Variants in UTRN observed in about 807,000 individuals in gnomAD.
UTRN encodes utrophin.
A neutral mutation model predicts 463.9 loss-of-function variants in UTRN; 283 were observed. The ratio of observed to expected loss-of-function variants is 0.61; its 90% CI spans 0.55 to 0.67. UTRN has a LOEUF of 0.67. UTRN is among the 30% of genes least tolerant of loss of function. The pLI is 0.00. For synonymous variants in UTRN, 1,442 were observed against 1,431.5 expected (o/e 1.01, Z -0.17); for missense variants, 3,922 against 4,084.3 (o/e 0.96, Z 1.08).
In UTRN at chr6:144,726,310, C is replaced by T. The variant is rs145141424; in HGVS notation, c.7810-4047C>T. ...TTCAGCTGCTACCGCTCTCTGAGTA[C>T]TGAAGTTTTTATAGTTCCCTGAGGG... On this transcript the variant is annotated intron_variant, in intron 53 of 74. Transcript: ENST00000367545. Among the ~76,000 whole-genome samples, 286 of 152,246 alleles carry T rather than the reference C, an allele frequency of 1.9e-3. 3 individuals are homozygous for T. The highest frequency in any genetic ancestry group is 6.6e-3 in the African/African-American group (276 of 41,550).
In UTRN at chr6:144,493,451, G is replaced by A. The variant is rs771082025; in HGVS notation, c.4588G>A (p.Ala1530Thr). The change falls in exon 33 of 75, where the codon GCA becomes ACA. Residue 1530 changes from alanine to threonine, a missense_variant. This residue lies in a region of UTRN where 2,349 missense variants were observed against 2,303.8 expected (regional missense o/e 1.02). Coordinates refer to ENST00000367545, the MANE Select transcript of UTRN (RefSeq NM_007124.3). ...SLKVLYNDLG[A>T]QVTEGKQDLE... ...GAAGGTTCTTTACAATGACCTGGGC[G>A]CACAGGTGAGGAGAGCAGCCCCACA... 32 of 1,613,500 alleles carry A rather than the reference G, an allele frequency of 2.0e-5. No homozygotes were observed. Among genetic ancestry groups the A allele is most frequent in the South Asian group, 4.4e-5 (4 of 91,018 alleles).
chr6:144,782,271 AT>A, intron 61 of UTRN, 148 bp downstream of exon 61: 1 of 680,552 alleles, frequency 1.5e-6, no homozygotes, highest in Non-Finnish European at 2.4e-6. Flanking sequence ...AAACTGAATG[AT>A]TTTACAAATC....
chr6:144,799,232 A>G, intron 64 of UTRN: 1 of 334,528 alleles, frequency 3.0e-6, no homozygotes, highest in Non-Finnish European at 6.0e-6. Context: ...ATATCATTGC[A>G]TTCTCTGTGG....
intron 53 of UTRN, among the ~76,000 whole-genome samples, chr6:144,702,275 T>A (rs1241537542): frequency 6.6e-6 from 1 of 152,198 alleles, no homozygotes; most frequent in Non-Finnish European, 1.5e-5. Flanking sequence ...CCCAGCAAGG[T>A]AACCTGGATT....
intron 3 of UTRN, among the ~76,000 whole-genome samples, chr6:144,410,796 A>ATGTGTGTGTGTG (rs112535909): frequency 3.8e-4 from 54 of 141,278 alleles, no homozygotes; most frequent in African/African-American, 1.4e-3. Context: ...TGGTGTGTAT[A>ATGTGTGTGTGTG]TGTGTGTGTG....
intron 54 of UTRN, 37 bp downstream of exon 54, chr6:144,730,523 T>C: frequency 1.3e-6 from 2 of 1,528,520 alleles, no homozygotes; most frequent in South Asian, 1.3e-5. Context: ...TAAAAACACA[T>C]GCTAGGAGAA....
chr6:144,474,459 G>A (rs1300265742), intron 24 of UTRN, 145 bp from the exon 25 acceptor site: 1 of 852,286 alleles, frequency 1.2e-6, no homozygotes, highest in Admixed American at 3.6e-5. Flanking sequence ...AGTTTCTTAA[G>A]GCACAATATT....
chr6:144,554,794 G>A lies in UTRN; in HGVS notation c.7035G>A (p.Arg2345=), dbSNP rs576549520. ...IIDSLQWDDH[R]EETEELMRKY... ...ACAGTCTTCAGTGGGATGACCATAG[G>A]GAGGAGACTGAAGAACTGATGAGAA... The change falls in exon 49 of 75, where the codon AGG becomes AGA. Residue 2345 remains arginine, a synonymous_variant. Coordinates refer to ENST00000367545, the MANE Select transcript of UTRN (RefSeq NM_007124.3). 5.0e-6 allele frequency: 8 copies of A among 1,613,992 alleles called. No individual in the cohort carries two copies. The South Asian group carries it at 5.5e-5, about 11-fold the overall frequency.
intron 2 of UTRN, among the ~76,000 whole-genome samples, chr6:144,296,300 C>T (rs1804690900): frequency 6.6e-6 from 1 of 152,182 alleles, no homozygotes; most frequent in Non-Finnish European, 1.5e-5. Context: ...TGGTGAACCG[C>T]ACATGCGAGG....
intron 50 of UTRN, among the ~76,000 whole-genome samples, chr6:144,569,374 T>C (rs1429011882): frequency 1.3e-5 from 2 of 152,084 alleles, no homozygotes; most frequent in South Asian, 2.1e-4. Context: ...ATACCAGCTA[T>C]ATATGCATTA....
At chr6:144,684,762 G>A (rs1284036068) in intron 52 of UTRN, among the ~76,000 whole-genome samples, 2 of 151,930 alleles carry the variant, frequency 1.3e-5, no homozygotes, top group Non-Finnish European at 2.9e-5. Context: ...TATCCAGGGG[G>A]GTGCCTTCCT....
intron 65 of UTRN, among the ~76,000 whole-genome samples, chr6:144,814,272 G>A (rs1450389783): frequency 1.3e-5 from 2 of 152,128 alleles, no homozygotes; most frequent in African/African-American, 4.8e-5. Flanking sequence ...GTGAGAAGAC[G>A]GCTGTGTATG....
At position 144,782,129 on chromosome 6, in the gene UTRN, T is replaced by G; in HGVS notation, c.8834+6T>G. ...TTGCTCAATGTCTATGACACGTAAG[T>G]TTATATTTTTTCTCATTAAAATACG... On this transcript the variant is annotated splice_donor_region_variant and intron_variant, in intron 61 of 74. Transcript: ENST00000367545. 6.4e-7 allele frequency: 1 copy of G among 1,567,838 alleles called. No homozygotes were observed. The highest frequency in any genetic ancestry group is 8.7e-7 in the Non-Finnish European group (1 of 1,149,060).
At chr6:144,769,811 T>C (rs1200650928) in intron 58 of UTRN, among the ~76,000 whole-genome samples, 1 of 152,302 alleles carries the variant, frequency 6.6e-6, no homozygotes, top group African/African-American at 2.4e-5. Context: ...CAATGAACCC[T>C]AGTAGGTTCT....
intron 51 of UTRN, among the ~76,000 whole-genome samples, chr6:144,635,530 C>CTTTTTTTTT (rs1562685915): frequency 5.1e-5 from 3 of 59,092 alleles, no homozygotes; most frequent in Admixed American, 2.4e-4. Flanking sequence ...TTTTTTTTTT[C>CTTTTTTTTT]TTTTCTTTTT....
chr6:144,426,363 G>T lies in UTRN; in HGVS notation c.482G>T (p.Arg161Leu). 2 of 1,614,112 alleles carry T rather than the reference G, an allele frequency of 1.2e-6. No homozygotes were observed. The highest frequency in any genetic ancestry group is 1.7e-6 in the Non-Finnish European group (2 of 1,180,000). ...GAGAAGATCCTGCTCAGCTGGGTGC[G>T]TCAGACCACCAGGCCCTACAGCCAA... ...NSEKILLSWV[R>L]QTTRPYSQVN... The change falls in exon 7 of 75, where the codon CGT becomes CTT. Residue 161 changes from arginine (R) to leucine (L), a missense_variant. Physicochemically the swap from Arg to Leu is moderately radical, Grantham distance 102 (BLOSUM62 -2). Coordinates refer to ENST00000367545, the MANE Select transcript of UTRN (RefSeq NM_007124.3).
intron 9 of UTRN, among the ~76,000 whole-genome samples, chr6:144,430,401 A>G (rs1199727914): frequency 1.3e-5 from 2 of 152,302 alleles, no homozygotes; most frequent in Non-Finnish European, 2.9e-5. Context: ...CTTGTAATTC[A>G]TAAGATGAGA....
Position 144,487,646 on chromosome 6 carries a change from C to A in UTRN, c.3921C>A (p.Ile1307=), listed in dbSNP as rs780073748. 6.2e-7 allele frequency: 1 copy of A among 1,613,020 alleles called. No homozygotes were observed. Among genetic ancestry groups the A allele is most frequent in the Admixed American group, 1.7e-5 (1 of 59,930 alleles). Residue 1307 remains isoleucine, a synonymous_variant, in exon 29 of 75, where the codon ATC becomes ATA. Coordinates refer to ENST00000367545, the MANE Select transcript of UTRN (RefSeq NM_007124.3). ...LIDGGILDDI[I]SEKLEAFNSR... ...ATGGGGGGATCCTGGATGATATAAT[C>A]AGTGAGAAACTGGAGGCTTTCAACA...
At chr6:144,613,546 T>C (rs1353890890) in intron 51 of UTRN, among the ~76,000 whole-genome samples, 1 of 152,094 alleles carries the variant, frequency 6.6e-6, no homozygotes, top group Non-Finnish European at 1.5e-5. Context: ...TGTTGTATGA[T>C]TTCATTCATA....
Sources: gnomAD v4.1 joint callset for allele counts (sites outside exome capture counted in the v4.1 genomes callset) on GRCh38, gnomAD v4.1.1 for gene constraint, gnomAD v4.1.1 regional missense constraint, MANE v1.5 for transcripts, NCBI Gene and HGNC (gene_info 2026-07-23, HGNC 2026-07-21) for gene names.